Variants in METTL4 observed in about 807,000 individuals in gnomAD.
The protein encoded by METTL4 is methyltransferase 4, N6-adenosine, also known as N(6)-adenine-specific methyltransferase METTL4.
Under a neutral mutation model 54.0 loss-of-function variants are expected in METTL4, and 40 were observed. The observed-to-expected ratio is 0.74, with a 90% CI of 0.58 to 0.96. The LOEUF (loss-of-function observed/expected upper bound fraction) is 0.96, where lower values mean the gene tolerates loss of function less well. METTL4 is among the 50% of genes least tolerant of loss of function. The pLI is 0.00. For synonymous variants in METTL4, 169 were observed against 183.8 expected (o/e 0.92, Z 0.65); for missense variants, 525 against 549.0 (o/e 0.96, Z 0.44).
chr18:2,567,162 TAAAA>T lies in METTL4; in HGVS notation c.51_54del (p.Phe18SerfsTer4). On this transcript the variant is annotated frameshift_variant, in exon 2 of 9. Transcript: ENST00000574538. LOFTEE classifies it high-confidence loss of function. ...TGAAGTTGATAGTTTATCTTGTTGA[TAAAA>T]GAAAGATGATCCAGTAACCACCCAG... The T allele has an allele frequency of 6.2e-7, 1 of 1,613,804 alleles. No homozygotes were observed.
intron 2 of METTL4, among the ~76,000 whole-genome samples, chr18:2,565,952 C>A (rs1452547517): frequency 6.6e-6 from 1 of 151,768 alleles, no homozygotes; most frequent in African/African-American, 2.4e-5. Flanking sequence ...GAGGCTGAGG[C>A]AGGAGAATGG....
At chr18:2,559,324 T>G (rs1027442865) in intron 3 of METTL4, among the ~76,000 whole-genome samples, 1 of 152,194 alleles carries the variant, frequency 6.6e-6, no homozygotes, top group African/African-American at 2.4e-5. Flanking sequence ...GGATGAACCT[T>G]GAAGACATAG....
chr18:2,555,401 A>ATACAT lies in METTL4; in HGVS notation c.460-368_460-364dup, dbSNP rs1431948196. On this transcript the variant is annotated intron_variant, in intron 3 of 8. Coordinates refer to ENST00000574538, the MANE Select transcript of METTL4 (RefSeq NM_022840.5). Reference sequence around the variant, plus strand: ...GCTCTTCATTCCTTTGGGAGGAGAAATACATCCATAACATGCTAAATTATA... The same window carrying ATACAT: ...GCTCTTCATTCCTTTGGGAGGAGAAATACATTACATCCATAACATGCTAAATTATA... 18 of 225,554 alleles carry ATACAT rather than the reference A, an allele frequency of 8.0e-5. 1 individual carries two copies. The highest frequency in any genetic ancestry group is 6.9e-4 in the Middle Eastern group (1 of 1,446). The allele number at this position is 225,554 out of a possible 1,614,324, so 14.0% of individuals were successfully genotyped here.
chr18:2,559,342 A>T (rs1335676940), intron 3 of METTL4, among the ~76,000 whole-genome samples: 1 of 152,234 alleles, frequency 6.6e-6, no homozygotes, highest in Non-Finnish European at 1.5e-5. Flanking sequence ...TAGTGAAATA[A>T]GCCAGATGCA....
intron 4 of METTL4, 175 bp downstream of exon 4, chr18:2,554,493 TA>T (rs1165300650): frequency 3.5e-6 from 2 of 570,940 alleles, no homozygotes; most frequent in Admixed American, 7.2e-5. Context: ...TTTATTTTTT[TA>T]AAAAAAGCAA....
Position 2,564,331 on chromosome 18 carries a change from C to T in METTL4, c.397-472G>A, listed in dbSNP as rs549058878. On this transcript the variant is annotated intron_variant, in intron 2 of 8. Transcript: ENST00000574538. ...GAGGCTGAGGCAGGAGAATGGTGTG[C>T]GAGACTCTGTCTCAAAAAAAAGAAC... Among the ~76,000 whole-genome samples, 76 of 151,738 alleles carry T rather than the reference C, an allele frequency of 5.0e-4. No homozygotes were observed. The South Asian group carries it at 7.7e-3, about 15-fold the overall frequency.
At position 2,555,565 on chromosome 18, in the gene METTL4, G is replaced by A. The variant is rs575661652; in HGVS notation, c.460-527C>T. 9.9e-5 allele frequency: 15 copies of A among 152,244 alleles called. No homozygotes were observed. In the East Asian group the frequency reaches 2.7e-3, roughly 27 times the overall value. 9.4% of individuals were successfully genotyped at this position (152,244 alleles called of 1,614,324 possible). On this transcript the variant is annotated intron_variant, in intron 3 of 8. Coordinates refer to ENST00000574538, the MANE Select transcript of METTL4 (RefSeq NM_022840.5). ...CAACACTTAATCTTAGATTTCTCTGGTTATCTAATTTTAAAATAAACATAC... is the reference window on the plus strand; with the variant it reads ...CAACACTTAATCTTAGATTTCTCTGATTATCTAATTTTAAAATAAACATAC...
chr18:2,540,257 G>C (rs937754742), intron 8 of METTL4: 2 of 984,628 alleles, frequency 2.0e-6, no homozygotes, highest in Non-Finnish European at 2.4e-6. Flanking sequence ...CATGCTGCTG[G>C]TTAGCTATGC....
At chr18:2,568,076 A>T (rs1348514607) in intron 1 of METTL4, among the ~76,000 whole-genome samples, 1 of 152,230 alleles carries the variant, frequency 6.6e-6, no homozygotes, top group Non-Finnish European at 1.5e-5. Flanking sequence ...TGGAGAACTT[A>T]AGAGGGGACA....
intron 8 of METTL4, 86 bp downstream of exon 8, chr18:2,544,109 G>A (rs1002956345): frequency 1.6e-5 from 16 of 977,398 alleles, no homozygotes; most frequent in African/African-American, 1.3e-4. Flanking sequence ...CTTAATTTCC[G>A]AATCTGTAGG....
chr18:2,544,235 G>T lies in METTL4; in HGVS notation c.1233C>A (p.Ser411Arg). 6.2e-7 allele frequency: 1 copy of T among 1,613,342 alleles called. No individual in the cohort carries two copies. Among genetic ancestry groups the T allele is most frequent in the South Asian group, 1.1e-5 (1 of 90,974 alleles). Reference protein sequence around the residue: ...LPIPDHKLIVSVPCTLHSHKP... With the variant: ...LPIPDHKLIVRVPCTLHSHKP... Reference sequence around the variant, plus strand: ...TATGTGAGTGAAGAGTACAGGGCACGCTGACAATTAATTTGTGGTCTGGAA... The same window carrying T: ...TATGTGAGTGAAGAGTACAGGGCACTCTGACAATTAATTTGTGGTCTGGAA... The change falls in exon 8 of 9, where the codon AGC (serine) becomes AGA (arginine). Residue 411 changes from serine (S) to arginine (R), a missense_variant. Ser to Arg is a moderately radical substitution (Grantham distance 110). Transcript: ENST00000574538.
intron 2 of METTL4, among the ~76,000 whole-genome samples, chr18:2,564,312 G>A (rs1266480842): frequency 6.6e-6 from 1 of 151,702 alleles, no homozygotes; most frequent in Non-Finnish European, 1.5e-5. Context: ...TTGGGAGGCT[G>A]AGGCAGGAGA....
chr18:2,547,508 C>A lies in METTL4; in HGVS notation c.921G>T (p.Leu307=). The A allele has an allele frequency of 6.3e-7, 1 of 1,586,536 alleles. No individual in the cohort carries two copies. Among genetic ancestry groups the A allele is most frequent in the Non-Finnish European group, 8.6e-7 (1 of 1,169,220 alleles). ...TAGGGATAGGTATTTGCTGTATTTG[C>A]AGGGGTGACAAATAACTGTACCTAA... The part of the protein sequence containing the change: ...RSNRYSYLSP[L]QIQQIPIPKL... The change falls in exon 6 of 9, where the codon CTG becomes CTT. Residue 307 remains leucine, a synonymous_variant. Coordinates refer to ENST00000574538, the MANE Select transcript of METTL4 (RefSeq NM_022840.5).
chr18:2,571,038 G>A (rs1332157570), intron 1 of METTL4, 111 bp downstream of exon 1: 1 of 152,184 alleles, frequency 6.6e-6, no homozygotes. Flanking sequence ...ACCACCAGAG[G>A]ACCGTGAGCC....
At chr18:2,568,615 G>C (rs2072457150) in intron 1 of METTL4, 1 of 152,430 alleles carries the variant, frequency 6.6e-6, no homozygotes, top group Non-Finnish European at 1.5e-5. Context: ...AGCTGGGCTT[G>C]GTGGCATGCG....
intron 5 of METTL4, among the ~76,000 whole-genome samples, chr18:2,551,124 A>C (rs1010759907): frequency 1.4e-5 from 2 of 143,668 alleles, no homozygotes; most frequent in East Asian, 2.0e-4. Flanking sequence ...AGATCGCGCC[A>C]CTGCACTCCA....
intron 3 of METTL4, among the ~76,000 whole-genome samples, 153 bp from the exon 4 acceptor site, chr18:2,555,191 C>T (rs1045626634): frequency 4.6e-5 from 7 of 152,202 alleles, no homozygotes; most frequent in East Asian, 1.9e-4. Context: ...TGTGTGAGCA[C>T]GCCTTTGAAC....
intron 2 of METTL4, among the ~76,000 whole-genome samples, chr18:2,565,940 G>C (rs774818429): frequency 1.3e-5 from 2 of 151,772 alleles, no homozygotes; most frequent in Non-Finnish European, 2.9e-5. Flanking sequence ...CCAGCTGCTC[G>C]GGAGGCTGAG....
At chr18:2,549,885 T>C (rs1363299307) in intron 5 of METTL4, among the ~76,000 whole-genome samples, 1 of 145,272 alleles carries the variant, frequency 6.9e-6, no homozygotes, top group East Asian at 2.0e-4. Context: ...TCCCAGCTAC[T>C]CAGGAGGCTA....
Sources: gnomAD v4.1 joint callset for allele counts (sites outside exome capture counted in the v4.1 genomes callset) on GRCh38, gnomAD v4.1.1 for gene constraint, MANE v1.5 for transcripts, NCBI Gene and HGNC (gene_info 2026-07-23, HGNC 2026-07-21) for gene names.